BAG4: variants seen among roughly 807,000 people sequenced by gnomAD.
BAG4 encodes BAG cochaperone 4, also known as BAG family molecular chaperone regulator 4.
A neutral mutation model predicts 52.1 loss-of-function variants in BAG4; 28 were observed. The observed-to-expected ratio is 0.54, with a 90% CI of 0.40 to 0.74. The LOEUF is 0.74. BAG4 is among the 30% of genes least tolerant of loss of function. BAG4 has a pLI of 0.00. For synonymous variants in BAG4, 208 were observed against 217.0 expected, an observed-to-expected ratio of 0.96 and a Z score of 0.37; for missense variants, 525 against 572.0, an observed-to-expected ratio of 0.92 and a Z score of 0.84.
rs775903501 is a variant in BAG4, at chr8:38,192,801, G to A, written c.378+6G>A. The A allele has an allele frequency of 3.2e-5, 50 of 1,565,936 alleles. No individual in the cohort carries two copies. The highest frequency in any genetic ancestry group is 4.3e-5 in the Non-Finnish European group (50 of 1,156,108). On this transcript the variant is annotated splice_donor_region_variant and intron_variant, in intron 2 of 4. Coordinates refer to ENST00000287322, the MANE Select transcript of BAG4 (RefSeq NM_004874.4). Reference sequence around the variant, plus strand: ...GACCAGAATTGCAAGGCCAGGTATGGTTTAAAAACAGAGACTTTCTGAACT... The same window carrying A: ...GACCAGAATTGCAAGGCCAGGTATGATTTAAAAACAGAGACTTTCTGAACT...
chr8:38,190,965 C>T (rs182954170), intron 1 of BAG4, among the ~76,000 whole-genome samples: 6 of 152,164 alleles, frequency 3.9e-5, no homozygotes, highest in Admixed American at 3.9e-4. Flanking sequence ...ACCGTGTTGG[C>T]CAGGCTGGTC....
intron 1 of BAG4, 77 bp downstream of exon 1, chr8:38,177,216 A>C: frequency 1.3e-6 from 2 of 1,566,120 alleles, no homozygotes; most frequent in Non-Finnish European, 1.7e-6. Context: ...CGGGTTTCAT[A>C]CTTGTTTTCC....
chr8:38,188,299 C>A (rs1803402434), intron 1 of BAG4, among the ~76,000 whole-genome samples: 2 of 144,232 alleles, frequency 1.4e-5, no homozygotes, highest in African/African-American at 2.6e-5. Context: ...AGTCAGAAGA[C>A]AGACTGGATT....
intron 1 of BAG4, among the ~76,000 whole-genome samples, chr8:38,188,786 TTTTA>T (rs1407754459): frequency 2.0e-5 from 3 of 151,594 alleles, no homozygotes; most frequent in South Asian, 2.1e-4. Context: ...TTTATTTACT[TTTTA>T]TTTATTTATT....
In BAG4 at chr8:38,210,409, C is replaced by T; in HGVS notation, c.1290C>T (p.Gly430=). Residue 430 remains glycine (G), a synonymous_variant, in exon 5 of 5, where the codon GGC becomes GGT. Coordinates refer to ENST00000287322, the MANE Select transcript of BAG4 (RefSeq NM_004874.4). ...AACTGGATTCAGTTGAAACTGGGGG[C>T]CAGGACTCTGTACGGCAGGCCAGAA... ...LLELDSVETG[G]QDSVRQARKE... The T allele has an allele frequency of 6.2e-7, 1 of 1,613,970 alleles. No individual in the cohort carries two copies. The highest frequency in any genetic ancestry group is 8.5e-7 in the Non-Finnish European group (1 of 1,179,984).
At chr8:38,208,687 C>T (rs1220419893) in intron 3 of BAG4, among the ~76,000 whole-genome samples, 4 of 152,064 alleles carry the variant, frequency 2.6e-5, no homozygotes, top group African/African-American at 4.8e-5. Flanking sequence ...TCTAACATGT[C>T]TTTATTTGTG....
At chr8:38,209,685 T>C (rs1803835209) in intron 4 of BAG4, 2 of 363,960 alleles carry the variant, frequency 5.5e-6, no homozygotes, top group South Asian at 8.6e-5. Context: ...TTGAGGTTTT[T>C]AACCTTTTAG....
At position 38,210,427 on chromosome 8, in the gene BAG4, G is replaced by A. The variant is rs746531890; in HGVS notation, c.1308G>A (p.Gln436=). ...CTGGGGGCCAGGACTCTGTACGGCAGGCCAGAAAAGAGGCTGTTTGTAAGA... is the reference window on the plus strand; with the variant it reads ...CTGGGGGCCAGGACTCTGTACGGCAAGCCAGAAAAGAGGCTGTTTGTAAGA... The part of the protein sequence containing the change: ...VETGGQDSVR[Q]ARKEAVCKIQ... The change falls in exon 5 of 5, where the codon CAG becomes CAA. Residue 436 remains glutamine (Q), a synonymous_variant. Coordinates refer to ENST00000287322, the MANE Select transcript of BAG4 (RefSeq NM_004874.4). 6.2e-7 allele frequency: 1 copy of A among 1,603,874 alleles called. No homozygotes were observed. The highest frequency in any genetic ancestry group is 1.1e-5 in the South Asian group (1 of 88,852).
At chr8:38,187,846 C>A (rs1803389484) in intron 1 of BAG4, among the ~76,000 whole-genome samples, 1 of 147,216 alleles carries the variant, frequency 6.8e-6, no homozygotes, top group Non-Finnish European at 1.5e-5. Context: ...CATGGTGAAA[C>A]CTTGTCTGTA....
chr8:38,207,443 G>A, intron 2 of BAG4, 69 bp from the exon 3 acceptor site: 3 of 1,513,170 alleles, frequency 2.0e-6, no homozygotes, highest in Non-Finnish European at 2.7e-6. Flanking sequence ...TCAAGTTTAG[G>A]CATTAAGTCA....
intron 1 of BAG4, among the ~76,000 whole-genome samples, chr8:38,187,317 T>A (rs960313966): frequency 2.0e-5 from 3 of 151,838 alleles, no homozygotes; most frequent in Non-Finnish European, 4.4e-5. Context: ...GTAACTAAAA[T>A]GAAAAATTAA....
chr8:38,204,009 C>A (rs1314108719), intron 2 of BAG4: 1 of 152,102 alleles, frequency 6.6e-6, no homozygotes, highest in Non-Finnish European at 1.5e-5. Context: ...AACTTTGCCA[C>A]GTTTCTGAAA....
chr8:38,179,569 C>T (rs1013450678), intron 1 of BAG4, among the ~76,000 whole-genome samples: 2 of 151,320 alleles, frequency 1.3e-5, no homozygotes, highest in Non-Finnish European at 2.9e-5. Context: ...AGTTCGAGAC[C>T]AGCCTGGCCC....
rs1223355389 is a variant in BAG4, at chr8:38,209,071, A to C, written c.692A>C (p.Gln231Pro). ...GGAGATGGTAATCGTAGTGTTCCACAATCAGGACCGACTGTACGACCACAA... is the reference window on the plus strand; with the variant it reads ...GGAGATGGTAATCGTAGTGTTCCACCATCAGGACCGACTGTACGACCACAA... ...PYGDGNRSVP[Q>P]SGPTVRPQED... The change falls in exon 4 of 5, where the codon CAA becomes CCA. Residue 231 changes from glutamine to proline, a missense_variant. By Grantham distance (76) the Gln-to-Pro change is moderately conservative. This residue lies in a region of BAG4 where 238 missense variants were observed against 305.8 expected (regional missense o/e 0.78). Coordinates refer to ENST00000287322, the MANE Select transcript of BAG4 (RefSeq NM_004874.4). 6.2e-7 allele frequency: 1 copy of C among 1,614,198 alleles called. No homozygotes were observed. Among genetic ancestry groups the C allele is most frequent in the Admixed American group, 1.7e-5 (1 of 60,024 alleles).
At chr8:38,188,652 C>CAT (rs1338577076) in intron 1 of BAG4, among the ~76,000 whole-genome samples, 10 of 740 alleles carry the variant, frequency 0.014, no homozygotes, top group African/African-American at 0.035. Context: ...TACATGTATA[C>CAT]ATATATACAT....
Position 38,211,288 on chromosome 8 carries a change from A to G in BAG4, c.*795A>G, listed in dbSNP as rs112471179. Reference sequence around the variant, plus strand: ...TTGGAAATGGCATTGACATAAAATGAAAATGTTTACGGACACTTTTCTTTT... The same window carrying G: ...TTGGAAATGGCATTGACATAAAATGGAAATGTTTACGGACACTTTTCTTTT... On this transcript the variant is annotated 3_prime_UTR_variant, in exon 5 of 5. Transcript: ENST00000287322. 9 of 149,604 alleles carry G rather than the reference A, an allele frequency of 6.0e-5. No homozygotes were observed. Among genetic ancestry groups the G allele is most frequent in the African/African-American group, 2.2e-4 (9 of 40,880 alleles). 9.3% of individuals were successfully genotyped at this position (149,604 alleles called of 1,614,324 possible).
chr8:38,201,885 T>A (rs1392672047), intron 2 of BAG4: 1 of 55,234 alleles, frequency 1.8e-5, no homozygotes, highest in South Asian at 5.1e-4. Context: ...TATATATTTT[T>A]TTTTTTTTTT....
chr8:38,195,369 G>T (rs1017174856), intron 2 of BAG4, among the ~76,000 whole-genome samples: 1 of 151,920 alleles, frequency 6.6e-6, no homozygotes, highest in African/African-American at 2.4e-5. Flanking sequence ...ACCCAAGCTG[G>T]TCTCCCAATC....
At chr8:38,193,077 A>G (rs903665061) in intron 2 of BAG4, among the ~76,000 whole-genome samples, 2 of 152,194 alleles carry the variant, frequency 1.3e-5, no homozygotes, top group African/African-American at 4.8e-5. Context: ...CATTTAATTT[A>G]AAATATTTTA....
Sources: gnomAD v4.1 joint callset for allele counts (sites outside exome capture counted in the v4.1 genomes callset) on GRCh38, gnomAD v4.1.1 for gene constraint, gnomAD v4.1.1 regional missense constraint, MANE v1.5 for transcripts, NCBI Gene and HGNC (gene_info 2026-07-23, HGNC 2026-07-21) for gene names.